LDLRAP1: variants seen among roughly 807,000 people sequenced by gnomAD.
The protein encoded by LDLRAP1 is low density lipoprotein receptor adaptor protein 1, also known as low density lipoprotein receptor adapter protein 1.
In LDLRAP1, 30 loss-of-function variants were observed where a neutral mutation model predicts 37.8. The observed-to-expected ratio is 0.79, with a 90% CI of 0.59 to 1.08. LDLRAP1 has a LOEUF of 1.08. Among genes scored for constraint, LDLRAP1 ranks in the 50% least tolerant of loss-of-function variants. LDLRAP1 has a pLI of 0.00. For missense variants in LDLRAP1, 375 were observed against 401.6 expected, an observed-to-expected ratio of 0.93 and a Z score of 0.57; for synonymous variants, 156 against 169.8, an observed-to-expected ratio of 0.92 and a Z score of 0.63.
chr1:25,562,535 G>T (rs1352544442), intron 4 of LDLRAP1, 109 bp from the exon 5 acceptor site: 5 of 878,412 alleles, frequency 5.7e-6, no homozygotes, highest in Non-Finnish European at 9.5e-6. Flanking sequence ...TGCAGAAGCT[G>T]CAGGGAGGGA....
At chr1:25,582,352 C>T in the LDLRAP1 span, among the ~76,000 whole-genome samples, 7 of 152,138 alleles carry the variant, frequency 4.6e-5, no homozygotes, top group South Asian at 2.1e-4. Context: ...TTTGGGAGGC[C>T]AAGGCGGGCA....
downstream of LDLRAP1, among the ~76,000 whole-genome samples, chr1:25,569,166 G>T (rs2044565397): frequency 6.6e-6 from 1 of 152,246 alleles, no homozygotes; most frequent in African/African-American, 2.4e-5. Context: ...CCCGGCGGGG[G>T]ACTGTGGCCA....
intron 7 of LDLRAP1, 58 bp from the exon 8 acceptor site, chr1:25,565,115 G>T: frequency 1.3e-6 from 2 of 1,589,104 alleles, no homozygotes; most frequent in Non-Finnish European, 1.7e-6. Context: ...ACAAGCCCCA[G>T]CTGTGAGCAT....
At chr1:25,573,372 G>A (rs1319794378), downstream of LDLRAP1, among the ~76,000 whole-genome samples, 1 of 152,222 alleles carries the variant, frequency 6.6e-6, no homozygotes, top group South Asian at 2.1e-4. Flanking sequence ...CCCTGGCAGG[G>A]CGAGGGTGCA....
chr1:25,544,718 G>T lies in LDLRAP1; in HGVS notation c.88+932G>T, dbSNP rs1052891704. Among the ~76,000 whole-genome samples, 141 of 152,308 alleles carry T rather than the reference G, an allele frequency of 9.3e-4. 1 individual carries two copies. The highest frequency in any genetic ancestry group is 3.0e-3 in the African/African-American group (125 of 41,576). The stretch of plus-strand genomic sequence containing the variant: ...TTTGGGAGGGAGAAGAGAGTGGCTT[G>T]CCTGGGGTCACACACACCTTCCTGC... On this transcript the variant is annotated intron_variant, in intron 1 of 8. Coordinates refer to ENST00000374338, the MANE Select transcript of LDLRAP1 (RefSeq NM_015627.3). The surrounding 1 kb of genome is among the most constrained non-coding windows in gnomAD (Gnocchi z 4.8).
At chr1:25,582,571 G>A in the LDLRAP1 span, among the ~76,000 whole-genome samples, 8 of 142,504 alleles carry the variant, frequency 5.6e-5, no homozygotes, top group South Asian at 4.5e-4. Flanking sequence ...GCGACAGAGC[G>A]AGACCCCATC....
chr1:25,545,705 C>T (rs535607861), intron 1 of LDLRAP1, among the ~76,000 whole-genome samples: 3 of 152,280 alleles, frequency 2.0e-5, no homozygotes, highest in East Asian at 3.9e-4. Context: ...GAGGGCAGGC[C>T]GAGCCCCACC....
At position 25,567,303 on chromosome 1, in the gene LDLRAP1, C is replaced by T. The variant is rs1035384143; in HGVS notation, c.*311C>T. 2.1e-5 allele frequency: 9 copies of T among 434,798 alleles called. No individual in the cohort carries two copies. The highest frequency in any genetic ancestry group is 3.9e-5 in the Non-Finnish European group (9 of 231,024). 26.9% of individuals were successfully genotyped at this position (434,798 alleles called of 1,614,324 possible). On this transcript the variant is annotated 3_prime_UTR_variant, in exon 9 of 9. Coordinates refer to ENST00000374338, the MANE Select transcript of LDLRAP1 (RefSeq NM_015627.3). ...GTGCTGTAATCGGCTCCCGCTTGCT[C>T]TCCTGGAGCAAGCTCTGCCCTGGCT... is the stretch of plus-strand genomic sequence containing the variant.
chr1:25,552,573 A>G (rs1372025820), intron 1 of LDLRAP1, among the ~76,000 whole-genome samples: 2 of 152,216 alleles, frequency 1.3e-5, no homozygotes, highest in East Asian at 3.8e-4. Context: ...CTACAAGCAC[A>G]GCATCTGTGA....
chr1:25,567,206 A>C lies in LDLRAP1; in HGVS notation c.*214A>C. ...GAACCAAAAGATGCCTTGAATATTT[A>C]TTCAGTGACTTCTGGCTTATGCTCA... On this transcript the variant is annotated 3_prime_UTR_variant, in exon 9 of 9. Transcript: ENST00000374338. 1 of 625,182 alleles carries C rather than the reference A, an allele frequency of 1.6e-6. No individual in the cohort carries two copies. The highest frequency in any genetic ancestry group is 1.9e-5 in the South Asian group (1 of 53,968). 38.7% of individuals were successfully genotyped at this position (625,182 alleles called of 1,614,324 possible).
downstream of LDLRAP1, among the ~76,000 whole-genome samples, chr1:25,573,129 T>C (rs2044628242): frequency 6.6e-6 from 1 of 151,904 alleles, no homozygotes; most frequent in African/African-American, 2.4e-5. Context: ...GGAAGACCAG[T>C]TTCTCCCCAG....
intron 1 of LDLRAP1, 129 bp from the exon 2 acceptor site, chr1:25,553,793 T>TGG: frequency 1.2e-6 from 1 of 808,878 alleles, no homozygotes; most frequent in Non-Finnish European, 1.8e-6. Context: ...AAAAAAAGAG[T>TGG]GGCAGTAGTG....
Position 25,543,803 on chromosome 1 carries a change from C to CAGCCG in LDLRAP1, c.88+18_88+22dup, listed in dbSNP as rs1428146009. On this transcript the variant is annotated intron_variant, in intron 1 of 8. Coordinates refer to ENST00000374338, the MANE Select transcript of LDLRAP1 (RefSeq NM_015627.3). ...GGCACCGCAGTGAGTGTGCGCGCGT[C>CAGCCG]AGCCGGGCCGGGCCGGGATCGGGCA... 4.2e-5 allele frequency: 50 copies of CAGCCG among 1,201,760 alleles called. No individual in the cohort carries two copies. The African/African-American group carries it at 6.8e-4, about 16-fold the overall frequency. The allele number at this position is 1,201,760 out of a possible 1,614,324, so 74.4% of individuals were successfully genotyped here. A position where few individuals can be genotyped will look rare whatever the true frequency, so the allele number is the denominator to read the frequency against.
At chr1:25,558,088 A>C (rs896176763) in intron 4 of LDLRAP1, among the ~76,000 whole-genome samples, 1 of 151,776 alleles carries the variant, frequency 6.6e-6, no homozygotes, top group African/African-American at 2.4e-5. Context: ...GTCACGGGGG[A>C]TTTGTCCTGA....
At position 25,563,649 on chromosome 1, in the gene LDLRAP1, G is replaced by A; in HGVS notation, c.617-12G>A. The A allele has an allele frequency of 6.2e-7, 1 of 1,613,196 alleles. No individual in the cohort carries two copies. Among genetic ancestry groups the A allele is most frequent in the South Asian group, 1.1e-5 (1 of 91,080 alleles). ...TGATCTCCCACTGACAACCTGACCGGATCCCTCACAGTGGTCGCCACTGGG... is the reference window on the plus strand; with the variant it reads ...TGATCTCCCACTGACAACCTGACCGAATCCCTCACAGTGGTCGCCACTGGG... On this transcript the variant is annotated splice_polypyrimidine_tract_variant and intron_variant, in intron 6 of 8. Transcript: ENST00000374338.
intron 5 of LDLRAP1, 141 bp from the exon 6 acceptor site, chr1:25,562,929 T>C (rs1319813634): frequency 3.4e-6 from 3 of 890,330 alleles, no homozygotes; most frequent in Non-Finnish European, 5.7e-6. Flanking sequence ...TTAACTGACA[T>C]CCGAAAGGTT....
chr1:25,568,915 C>T (rs3924236), downstream of LDLRAP1: 76,103 of 152,214 alleles, frequency 0.5, 19,371 homozygotes, highest in African/African-American at 0.59. Context: ...AGTAGACTGG[C>T]GGCAGCGTCC....
chr1:25,543,609 G>T lies in LDLRAP1; in HGVS notation c.-90G>T, dbSNP rs1313706259. On this transcript the variant is annotated 5_prime_UTR_variant, in exon 1 of 9. Coordinates refer to ENST00000374338, the MANE Select transcript of LDLRAP1 (RefSeq NM_015627.3). Reference sequence around the variant, plus strand: ...CGGAGCTGGCGCTGGGAGGGGAGGAGCGCGCAGCCCGCGCGCCGCAGGGCC... The same window carrying T: ...CGGAGCTGGCGCTGGGAGGGGAGGATCGCGCAGCCCGCGCGCCGCAGGGCC... 3.2e-6 allele frequency: 3 copies of T among 930,180 alleles called. No individual in the cohort carries two copies. The highest frequency in any genetic ancestry group is 4.1e-6 in the Non-Finnish European group (3 of 723,004). The allele number at this position is 930,180 out of a possible 1,614,324, so 57.6% of individuals were successfully genotyped here. A position where few individuals can be genotyped will look rare whatever the true frequency, so the allele number is the denominator to read the frequency against.
chr1:25,549,701 G>A (rs1387777507), intron 1 of LDLRAP1, among the ~76,000 whole-genome samples: 9 of 152,202 alleles, frequency 5.9e-5, no homozygotes, highest in African/African-American at 2.2e-4. Flanking sequence ...TCCTGAAGCC[G>A]TGGGCTCCTC....
Sources: gnomAD v4.1 joint callset for allele counts (sites outside exome capture counted in the v4.1 genomes callset) on GRCh38, gnomAD v4.1.1 for gene constraint, Gnocchi (gnomAD v3.1) non-coding constraint, MANE v1.5 for transcripts, NCBI Gene and HGNC (gene_info 2026-07-23, HGNC 2026-07-21) for gene names.